Variants in EDA observed in about 807,000 individuals in gnomAD.
The protein encoded by EDA is ectodysplasin A.
Under a neutral mutation model 23.6 loss-of-function variants are expected in EDA, and 2 were observed. The observed-to-expected ratio is 0.08, with a 90% confidence interval of 0.03 to 0.27. The LOEUF (loss-of-function observed/expected upper bound fraction) is 0.27, where lower values mean the gene tolerates loss of function less well. Among genes scored for constraint, EDA ranks in the 10% least tolerant of loss-of-function variants. The pLI is 1.00. For synonymous variants in EDA, 131 were observed against 132.0 expected, an observed-to-expected ratio of 0.99 and a Z score of 0.05; for missense variants, 229 against 324.2, an observed-to-expected ratio of 0.71 and a Z score of 2.26.
intron 2 of EDA, among the ~76,000 whole-genome samples, chrX:69,987,698 G>A (rs2019523721): frequency 9.0e-6 from 1 of 111,146 alleles, no homozygotes; most frequent in East Asian, 2.8e-4. Flanking sequence ...TAACAATAAC[G>A]GAAAAAGTTT....
rs1569317439 is a variant in EDA at position 69,749,922 on chromosome X, C to CTTTTTTTTTT, written c.396+133236_396+133245dup. 7.8e-4 allele frequency among the ~76,000 whole-genome samples: 26 copies of CTTTTTTTTTT among 33,261 alleles called. 8 individuals are homozygous for CTTTTTTTTTT. The highest frequency in any genetic ancestry group is 1.7e-3 in the African/African-American group (21 of 12,213). 28.9% of individuals were successfully genotyped at this position (33,261 alleles called of 115,157 possible). A position where few individuals can be genotyped will look rare whatever the true frequency, so the allele number is the denominator to read the frequency against. ...TTAGAAACTTCCTCTCACTAAGGTTCTTTTTTTTTTTTTTTTTTTTTTTTT... is the reference window on the plus strand; with the variant it reads ...TTAGAAACTTCCTCTCACTAAGGTTCTTTTTTTTTTTTTTTTTTTTTTTTTTTTTTTTTTT... On this transcript the variant is annotated intron_variant, in intron 1 of 7. Transcript: ENST00000374552.
In EDA at chrX:70,038,873, C is replaced by T. The variant is rs544385001; in HGVS notation, c.*3264C>T. The T allele has an allele frequency of 5.3e-5, 6 of 112,373 alleles. No individual in the cohort carries two copies. Among genetic ancestry groups the T allele is most frequent in the African/African-American group, 1.6e-4 (5 of 30,850 alleles). 9.3% of individuals were successfully genotyped at this position (112,373 alleles called of 1,213,427 possible). On this transcript the variant is annotated 3_prime_UTR_variant, in exon 8 of 8. Transcript: ENST00000374552. ...GGCCCAGAGAGGGAAGATGACCTGC[C>T]CCAAGTGGTGAGCAAGCACCAACCT...
At chrX:69,855,012 A>T (rs2017215174) in intron 1 of EDA, among the ~76,000 whole-genome samples, 1 of 111,108 alleles carries the variant, frequency 9.0e-6, no homozygotes, top group Admixed American at 9.6e-5. Context: ...ATTCTGATTG[A>T]TGTGAGATGA....
At chrX:69,856,582 T>C (rs1007013814) in intron 1 of EDA, among the ~76,000 whole-genome samples, 3 of 111,611 alleles carry the variant, frequency 2.7e-5, no homozygotes, top group Non-Finnish European at 5.6e-5. Context: ...TGGTATCACC[T>C]GGTGGTTTTG....
chrX:69,870,672 C>T (rs1444836201), intron 1 of EDA, among the ~76,000 whole-genome samples: 8 of 111,449 alleles, frequency 7.2e-5, no homozygotes, highest in Admixed American at 2.9e-4. Flanking sequence ...TCAGTGTGCC[C>T]AGCTTCATCA....
rs377009421 is a variant in EDA at position 69,831,920 on chromosome X, G to A, written c.397-125107G>A. On this transcript the variant is annotated intron_variant, in intron 1 of 7. Transcript: ENST00000374552. The stretch of plus-strand genomic sequence containing the variant: ...TCTTGTAAATTTGTTTGAGTTCTTT[G>A]TAGATTCTGGATATTAGCCCTTTGT... Among the ~76,000 whole-genome samples, 3 of 111,000 alleles carry A rather than the reference G, an allele frequency of 2.7e-5. No individual in the cohort carries two copies. In the East Asian group the frequency reaches 8.5e-4, roughly 31 times the overall value.
chrX:69,828,555 C>T (rs368399126), intron 1 of EDA, among the ~76,000 whole-genome samples: 199 of 112,151 alleles, frequency 1.8e-3, no homozygotes, highest in Admixed American at 2.9e-3. Flanking sequence ...CCCCTTGCTT[C>T]GGCTCGCGCA....
rs750498952 is a variant in EDA at position 69,795,385 on chromosome X, A to G, written c.397-161642A>G. ...CTTTTTCCAAATTTTTCTTCTTAAAATAAACATAATTGTAGCTAAATCTTT... is the reference window on the plus strand; with the variant it reads ...CTTTTTCCAAATTTTTCTTCTTAAAGTAAACATAATTGTAGCTAAATCTTT... On this transcript the variant is annotated intron_variant, in intron 1 of 7. Transcript: ENST00000374552. Among the ~76,000 whole-genome samples the G allele has an allele frequency of 1.4e-4, 16 of 112,798 alleles. No homozygotes were observed. The East Asian group carries it at 3.6e-3, about 25-fold the overall frequency.
chrX:69,998,338 C>A (rs1483050546), intron 2 of EDA, among the ~76,000 whole-genome samples: 1 of 112,400 alleles, frequency 8.9e-6, no homozygotes, highest in Non-Finnish European at 1.9e-5. Context: ...TTGCATGGGG[C>A]CTGTAGCCCC....
At chrX:69,796,300 A>G (rs1436352232) in intron 1 of EDA, among the ~76,000 whole-genome samples, 4 of 15,663 alleles carry the variant, frequency 2.6e-4, no homozygotes, top group Admixed American at 9.7e-4. Context: ...ACTGGAGCCA[A>G]TGTATGCCAC....
At chrX:69,891,075 G>A (rs1212828212) in intron 1 of EDA, among the ~76,000 whole-genome samples, 2 of 111,259 alleles carry the variant, frequency 1.8e-5, no homozygotes, top group Admixed American at 9.5e-5. Flanking sequence ...GTGGGCAAAG[G>A]ACATGAACAG....
chrX:69,955,734 A>G (rs780222618), intron 1 of EDA, among the ~76,000 whole-genome samples: 3 of 111,995 alleles, frequency 2.7e-5, no homozygotes, highest in South Asian at 3.7e-4. Flanking sequence ...TAACTCTGCA[A>G]CTGTTTTATC....
intron 1 of EDA, among the ~76,000 whole-genome samples, chrX:69,705,923 A>T (rs2011701341): frequency 1.8e-5 from 2 of 112,180 alleles, no homozygotes; most frequent in South Asian, 7.5e-4. Flanking sequence ...CAAGAAAAGA[A>T]GGTATAGGTA....
At chrX:69,938,172 G>A (rs369211100) in intron 1 of EDA, among the ~76,000 whole-genome samples, 1 of 111,520 alleles carries the variant, frequency 9.0e-6, no homozygotes, top group Non-Finnish European at 1.9e-5. Flanking sequence ...GCACCCGGCG[G>A]CAGTGGCAGT....
At chrX:69,857,147 GT>G (rs1187719399) in intron 1 of EDA, among the ~76,000 whole-genome samples, 1 of 111,608 alleles carries the variant, frequency 9.0e-6, no homozygotes, top group Non-Finnish European at 1.9e-5. Flanking sequence ...CCTACTCTAT[GT>G]TTTTCTTTGC....
intron 7 of EDA, 127 bp downstream of exon 7, chrX:70,033,655 G>A (rs1040669344): frequency 1.3e-6 from 1 of 792,399 alleles, no homozygotes; most frequent in South Asian, 2.3e-5. Flanking sequence ...GTGAGGGGGT[G>A]GGGGGACCGC....
chrX:69,634,548 A>G (rs1932722202), intron 1 of EDA, among the ~76,000 whole-genome samples: 1 of 110,418 alleles, frequency 9.1e-6, no homozygotes, highest in African/African-American at 3.3e-5. Context: ...CGAACTCCTG[A>G]CCTCAAGTGA....
intron 1 of EDA, among the ~76,000 whole-genome samples, chrX:69,931,707 TATGAGAACCTGAA>T (rs1443826269): frequency 8.9e-6 from 1 of 111,902 alleles, no homozygotes; most frequent in Non-Finnish European, 1.9e-5. Flanking sequence ...TTGATGAGGA[TATGAGAACCTGAA>T]ACTCTCATAC....
chrX:70,017,283 A>G (rs1161873585), intron 2 of EDA, among the ~76,000 whole-genome samples: 1 of 112,135 alleles, frequency 8.9e-6, no homozygotes, highest in Non-Finnish European at 1.9e-5. Flanking sequence ...CCAGATGTAC[A>G]TAGAAGAGTT....
Sources: allele counts gnomAD v4.1 joint callset (sites outside exome capture counted in the v4.1 genomes callset), GRCh38; gene constraint gnomAD v4.1.1; transcripts MANE v1.5; gene names NCBI Gene and HGNC (gene_info 2026-07-23, HGNC 2026-07-21).